ZNF345: variants seen among roughly 807,000 people sequenced by gnomAD.
ZNF345 encodes the protein zinc finger protein HZF10.
For synonymous variants in ZNF345, 166 were observed against 187.9 expected, an observed-to-expected ratio of 0.88 and a Z score of 0.95; for missense variants, 527 against 589.9, an observed-to-expected ratio of 0.89 and a Z score of 1.10.
At chr19:36,857,519 G>A (rs2072447709) in intron 2 of ZNF345, among the ~76,000 whole-genome samples, 1 of 152,038 alleles carries the variant, frequency 6.6e-6, no homozygotes, top group African/African-American at 2.4e-5. Flanking sequence ...ATGTTGGTCA[G>A]GCTGGTCCCG....
chr19:36,855,131 G>T (rs547524020), intron 2 of ZNF345, among the ~76,000 whole-genome samples: 2 of 149,232 alleles, frequency 1.3e-5, no homozygotes, highest in African/African-American at 4.9e-5. Context: ...GATTACAGGC[G>T]TGAGCCACCA....
At position 36,877,080 on chromosome 19, in the gene ZNF345, C is replaced by A. The variant is rs1162402956; in HGVS notation, c.250C>A (p.His84Asn). ...VSVLVRHQRI[H>N]TGEKPYECKE... ...AGTCCTTGTTCGACATCAGCGAATT[C>A]ATACTGGTGAGAAACCTTATGAATG... is the stretch of plus-strand genomic sequence containing the variant. The change falls in exon 3 of 3, where the codon CAT (histidine) becomes AAT (asparagine). Residue 84 changes from histidine to asparagine, a missense_variant. Physicochemically the swap from His to Asn is moderately conservative, Grantham distance 68 (BLOSUM62 1). Coordinates refer to ENST00000420450, the MANE Select transcript of ZNF345 (RefSeq NM_001242472.2). 6.2e-7 allele frequency: 1 copy of A among 1,614,118 alleles called. No homozygotes were observed. Among genetic ancestry groups the A allele is most frequent in the Non-Finnish European group, 8.5e-7 (1 of 1,180,004 alleles).
chr19:36,864,375 G>A (rs1447524830), intron 2 of ZNF345, among the ~76,000 whole-genome samples: 1 of 151,982 alleles, frequency 6.6e-6, no homozygotes, highest in South Asian at 2.1e-4. Flanking sequence ...AATTAGCCAG[G>A]TGTGGTGCAT....
intron 2 of ZNF345, among the ~76,000 whole-genome samples, chr19:36,853,310 A>G (rs526145): frequency 0.75 from 111,691 of 148,194 alleles, 42,362 homozygotes; most frequent in East Asian, 0.92. Flanking sequence ...GTGCAATGGC[A>G]TGATCTCGGC....
intron 2 of ZNF345, among the ~76,000 whole-genome samples, chr19:36,856,208 G>A (rs1254998352): frequency 6.6e-6 from 1 of 152,106 alleles, no homozygotes; most frequent in East Asian, 1.9e-4. Flanking sequence ...TATCTTATAT[G>A]TAAGTTTTGC....
intron 2 of ZNF345, among the ~76,000 whole-genome samples, chr19:36,854,238 T>TTG (rs985754733): frequency 6.0e-5 from 9 of 150,588 alleles, no homozygotes; most frequent in African/African-American, 2.2e-4. Context: ...GGGTTTTGTT[T>TTG]TTTTTTTTTT....
chr19:36,861,248 T>G (rs1221820904), intron 2 of ZNF345, among the ~76,000 whole-genome samples: 2 of 152,216 alleles, frequency 1.3e-5, no homozygotes, highest in African/African-American at 4.8e-5. Context: ...TCCTAAATAC[T>G]GTCTTAGCTC....
Position 36,877,464 on chromosome 19 carries a change from G to A in ZNF345, c.634G>A (p.Gly212Ser). ...YECIDCGKAFGSGSNLTQHRR... is the reference protein window; with the variant it reads ...YECIDCGKAFSSGSNLTQHRR... ...ATGTATAGATTGTGGTAAAGCCTTT[G>A]GCAGTGGTTCAAACCTTACTCAACA... Residue 212 changes from glycine to serine, a missense_variant, in exon 3 of 3, where the codon GGC becomes AGC. Physicochemically the swap from Gly to Ser is moderately conservative, Grantham distance 56. Coordinates refer to ENST00000420450, the MANE Select transcript of ZNF345 (RefSeq NM_001242472.2). 6.2e-7 allele frequency: 1 copy of A among 1,613,814 alleles called. No homozygotes were observed.
chr19:36,861,959 C>T (rs1429788283), intron 2 of ZNF345, among the ~76,000 whole-genome samples: 1 of 151,048 alleles, frequency 6.6e-6, no homozygotes, highest in African/African-American at 2.4e-5. Flanking sequence ...CCTCCCTGTT[C>T]CAGTGATTCT....
chr19:36,875,398 A>G (rs1275066872), intron 2 of ZNF345, among the ~76,000 whole-genome samples: 2 of 152,196 alleles, frequency 1.3e-5, no homozygotes, highest in Non-Finnish European at 1.5e-5. Context: ...CATTTCAGGC[A>G]GATGAAACCA....
At chr19:36,856,596 C>T (rs1018247984) in intron 2 of ZNF345, among the ~76,000 whole-genome samples, 2 of 152,144 alleles carry the variant, frequency 1.3e-5, no homozygotes, top group Non-Finnish European at 2.9e-5. Flanking sequence ...TGGCTCATGC[C>T]TGTAATACTA....
chr19:36,891,560 T>G, intron 3 of ZNF345: 1 of 1,610,972 alleles, frequency 6.2e-7, no homozygotes, highest in Non-Finnish European at 8.5e-7. Flanking sequence ...CCACATTCCT[T>G]ACAGTCATAG....
downstream of ZNF345, among the ~76,000 whole-genome samples, chr19:36,881,461 A>G (rs112761652): frequency 7.5e-3 from 1,147 of 152,258 alleles, 8 homozygotes; most frequent in Admixed American, 0.013. Flanking sequence ...GGTATTATAT[A>G]AGGGATATAA....
At chr19:36,857,713 T>C (rs2072452212) in intron 2 of ZNF345, among the ~76,000 whole-genome samples, 2 of 152,248 alleles carry the variant, frequency 1.3e-5, no homozygotes, top group Admixed American at 6.5e-5. Context: ...AGGTCACTTA[T>C]AGCTGCATAA....
chr19:36,877,913 C>G lies in ZNF345; in HGVS notation c.1083C>G (p.His361Gln). 6.2e-7 allele frequency: 1 copy of G among 1,602,572 alleles called. No homozygotes were observed. The highest frequency in any genetic ancestry group is 1.1e-5 in the South Asian group (1 of 89,968). The change falls in exon 3 of 3, where the codon CAC (histidine) becomes CAG (glutamine). Residue 361 changes from histidine (H) to glutamine (Q), a missense_variant. His to Gln is a conservative substitution (Grantham distance 24). Transcript: ENST00000420450. ...GTGGTTCAGACCTTACTCAACATCACAGAATTCATACTGGTGAGAAACCCT... is the reference window on the plus strand; with the variant it reads ...GTGGTTCAGACCTTACTCAACATCAGAGAATTCATACTGGTGAGAAACCCT... ...FSSGSDLTQH[H>Q]RIHTGEKPYE... is the part of the protein sequence containing the mutation.
intron 3 of ZNF345, among the ~76,000 whole-genome samples, chr19:36,885,633 A>G (rs2072992151): frequency 6.6e-6 from 1 of 151,830 alleles, no homozygotes; most frequent in South Asian, 2.1e-4. Flanking sequence ...CTTCCCCTAG[A>G]GGCTTTATTT....
intron 2 of ZNF345, among the ~76,000 whole-genome samples, chr19:36,861,341 C>G (rs1459178521): frequency 6.6e-6 from 1 of 152,188 alleles, no homozygotes; most frequent in East Asian, 1.9e-4. Context: ...GGTGATGGGA[C>G]TGCAGTGTTC....
Position 36,857,984 on chromosome 19 carries a change from T to C in ZNF345, c.-47+6080T>C, listed in dbSNP as rs370163829. ...TAGTGGAGATGGGGTTTCACCATGT[T>C]GTCCAGGCTGGTCTCAAACTCCTGA... On this transcript the variant is annotated intron_variant, in intron 2 of 2. Transcript: ENST00000420450. Among the ~76,000 whole-genome samples, 18 of 152,030 alleles carry C rather than the reference T, an allele frequency of 1.2e-4. No individual in the cohort carries two copies. The South Asian group carries it at 3.7e-3, about 32-fold the overall frequency.
chr19:36,892,364 G>C (rs1295054556), intron 3 of ZNF345: 2 of 1,613,484 alleles, frequency 1.2e-6, no homozygotes, highest in Admixed American at 1.7e-5. Flanking sequence ...GGTGGAATAA[G>C]AAATGTGGGC....
Sources: gnomAD v4.1 joint callset for allele counts (sites outside exome capture counted in the v4.1 genomes callset) on GRCh38, gnomAD v4.1.1 for gene constraint, MANE v1.5 for transcripts, NCBI Gene and HGNC (gene_info 2026-07-23, HGNC 2026-07-21) for gene names.